Variants in DYNLL1 observed in about 807,000 individuals in gnomAD.
The protein encoded by DYNLL1 is dynein light chain 1, cytoplasmic.
A neutral mutation model predicts 10.1 loss-of-function variants in DYNLL1; 3 were observed. That is an observed-to-expected ratio of 0.30 (90% CI 0.14 to 0.77). The LOEUF (loss-of-function observed/expected upper bound fraction) is 0.77, where lower values mean the gene tolerates loss of function less well. DYNLL1 is among the 30% of genes least tolerant of loss of function. DYNLL1 has a pLI of 0.66. For synonymous variants in DYNLL1, 46 were observed against 41.2 expected, an observed-to-expected ratio of 1.12 and a Z score of -0.45; for missense variants, 47 against 111.7, an observed-to-expected ratio of 0.42 and a Z score of 2.61.
intron 1 of DYNLL1, among the ~76,000 whole-genome samples, chr12:120,478,834 G>A (rs1358195059): frequency 6.8e-6 from 1 of 147,470 alleles, no homozygotes; most frequent in African/African-American, 2.5e-5. Flanking sequence ...ACAGGCGCCC[G>A]CCACCACGCC....
In DYNLL1 at chr12:120,489,150, C is replaced by G. The variant is rs552581669; in HGVS notation, c.-6-7266C>G. ...TGAATAAGCATTACTTCCATCTACA[C>G]GTACTCCGCCCTCAGTGGTGATCTC... On this transcript the variant is annotated intron_variant, in intron 1 of 2. Coordinates refer to the DYNLL1 transcript ENST00000392509. 3.3e-4 allele frequency among the ~76,000 whole-genome samples: 51 copies of G among 152,314 alleles called. No homozygotes were observed. In the Middle Eastern group the frequency reaches 0.014, roughly 41 times the overall value.
At chr12:120,490,124 A>G (rs142736627) in intron 1 of DYNLL1, among the ~76,000 whole-genome samples, 9 of 152,316 alleles carry the variant, frequency 5.9e-5, no homozygotes, top group African/African-American at 1.2e-4. Context: ...TTCTCCTGCT[A>G]TAAGTTCCAT....
intron 1 of DYNLL1, among the ~76,000 whole-genome samples, chr12:120,488,997 C>A (rs917657662): frequency 1.3e-5 from 2 of 152,196 alleles, no homozygotes; most frequent in Non-Finnish European, 2.9e-5. Context: ...ATGGCCAAAG[C>A]ACTTAGGCAG....
rs376903988 is a variant in DYNLL1 at position 120,496,475 on chromosome 12, A to G, written c.54A>G (p.Gln18=). The G allele has an allele frequency of 1.4e-5, 22 of 1,614,042 alleles. No homozygotes were observed. Among genetic ancestry groups the G allele is most frequent in the Admixed American group, 1.3e-4 (8 of 60,002 alleles). The change falls in exon 2 of 3, where the codon CAA becomes CAG. Residue 18 remains glutamine (Q), a synonymous_variant. Transcript: ENST00000242577. ...IKNADMSEEM[Q]QDSVECATQA... ...ATGCGGACATGTCGGAAGAGATGCA[A>G]CAGGACTCGGTGGAGTGCGCTACTC...
intron 2 of DYNLL1, chr12:120,497,855 A>T (rs1593009101): frequency 7.3e-6 from 4 of 550,516 alleles, no homozygotes; most frequent in Non-Finnish European, 1.3e-5. Flanking sequence ...TCGTCCTTTG[A>T]CCTCCTCAGC....
At chr12:120,496,577 T>A in intron 2 of DYNLL1, 24 bp downstream of exon 2, 2 of 1,613,470 alleles carry the variant, frequency 1.2e-6, no homozygotes, top group Non-Finnish European at 1.7e-6. Context: ...CGGGGGCCGA[T>A]ACGCAGCCGG....
At chr12:120,471,950 T>C (rs947507295) in intron 1 of DYNLL1, among the ~76,000 whole-genome samples, 4 of 152,128 alleles carry the variant, frequency 2.6e-5, no homozygotes, top group African/African-American at 9.7e-5. Context: ...AGCAAGAGAT[T>C]CTCATAATAA....
chr12:120,496,720 A>C, intron 2 of DYNLL1, 167 bp downstream of exon 2: 1 of 1,023,476 alleles, frequency 9.8e-7, no homozygotes, highest in Non-Finnish European at 1.4e-6. Context: ...TGTGGAGAAG[A>C]CCAGACCCCC....
chr12:120,474,872 C>T (rs1878721787), intron 1 of DYNLL1, among the ~76,000 whole-genome samples: 1 of 152,158 alleles, frequency 6.6e-6, no homozygotes, highest in Admixed American at 6.6e-5. Flanking sequence ...GGTCACAGCA[C>T]CCTGGGAGCT....
intron 1 of DYNLL1, among the ~76,000 whole-genome samples, chr12:120,479,468 A>AAAAAAAAAT (rs1555221140): frequency 1.8e-5 from 2 of 109,598 alleles, no homozygotes; most frequent in Admixed American, 1.1e-4. Flanking sequence ...AAAAAAAAAA[A>AAAAAAAAAT]AATAATAATA....
rs542247229 is a variant in DYNLL1, at chr12:120,497,975, G to T, written c.133-98G>T. On this transcript the variant is annotated intron_variant, in intron 2 of 2. Transcript: ENST00000242577. ...ATTCTAAGAATTTGCAGATGCTGACGTTCCTCCTTTCTGCCCCTACAGGCT... is the reference window on the plus strand; with the variant it reads ...ATTCTAAGAATTTGCAGATGCTGACTTTCCTCCTTTCTGCCCCTACAGGCT... 15 of 1,233,522 alleles carry T rather than the reference G, an allele frequency of 1.2e-5. No individual in the cohort carries two copies. The African/African-American group carries it at 2.0e-4, about 16-fold the overall frequency. 76.4% of individuals were successfully genotyped at this position (1,233,522 alleles called of 1,614,324 possible).
At chr12:120,497,817 A>G in intron 2 of DYNLL1, 1 of 466,316 alleles carries the variant, frequency 2.1e-6, no homozygotes, top group Non-Finnish European at 3.8e-6. Flanking sequence ...CCATAATAAC[A>G]AAACACCCTG....
intron 1 of DYNLL1, among the ~76,000 whole-genome samples, chr12:120,489,734 G>C (rs1029621746): frequency 2.6e-5 from 4 of 152,122 alleles, no homozygotes; most frequent in African/African-American, 9.7e-5. Flanking sequence ...AGCGATGCTT[G>C]GTTCTCTTAG....
At chr12:120,497,936 G>A (rs1370684788) in intron 2 of DYNLL1, 137 bp from the exon 3 acceptor site, 5 of 844,620 alleles carry the variant, frequency 5.9e-6, no homozygotes, top group Non-Finnish European at 9.0e-6. Flanking sequence ...CTTGGAGCTG[G>A]GGAACATTCT....
intron 1 of DYNLL1, among the ~76,000 whole-genome samples, chr12:120,483,003 C>T (rs1251859751): frequency 6.6e-6 from 1 of 151,864 alleles, no homozygotes; most frequent in Non-Finnish European, 1.5e-5. Context: ...ATCCCTCAAG[C>T]CCAGGATCCA....
At chr12:120,493,442 A>C (rs1436569712), upstream of DYNLL1, among the ~76,000 whole-genome samples, 3 of 151,968 alleles carry the variant, frequency 2.0e-5, no homozygotes, top group Non-Finnish European at 4.4e-5. Flanking sequence ...AGGCCAAGGC[A>C]GAAGAATCAC....
At chr12:120,492,708 C>A (rs1879161754), upstream of DYNLL1, among the ~76,000 whole-genome samples, 1 of 152,140 alleles carries the variant, frequency 6.6e-6, no homozygotes, top group South Asian at 2.1e-4. This position sits in a 1 kb window ranked among gnomAD's most constrained non-coding sequence, Gnocchi z 4.1. Flanking sequence ...TTATAATTTC[C>A]TGTGGCAAGA....
chr12:120,471,210 C>CAAA (rs528588508), intron 1 of DYNLL1, among the ~76,000 whole-genome samples: 11 of 132,244 alleles, frequency 8.3e-5, no homozygotes, highest in African/African-American at 2.8e-4. Context: ...ACTAAAAATA[C>CAAA]AAAAAAAAAA....
At chr12:120,477,096 A>AT (rs1254604825) in intron 1 of DYNLL1, among the ~76,000 whole-genome samples, 1 of 148,458 alleles carries the variant, frequency 6.7e-6, no homozygotes, top group Non-Finnish European at 1.5e-5. Context: ...CACTTGGATA[A>AT]TTTTGTATTT....
Sources: gnomAD v4.1 joint callset for allele counts (sites outside exome capture counted in the v4.1 genomes callset) on GRCh38, gnomAD v4.1.1 for gene constraint, Gnocchi (gnomAD v3.1) non-coding constraint, MANE v1.5 for transcripts, NCBI Gene and HGNC (gene_info 2026-07-23, HGNC 2026-07-21) for gene names.